Variants in LRRC8C observed in about 807,000 individuals in gnomAD.
LRRC8C encodes the protein leucine rich repeat containing 8 VRAC subunit C, also known as volume-regulated anion channel subunit LRRC8C.
Under a neutral mutation model 55.3 loss-of-function variants are expected in LRRC8C, and 20 were observed. The observed-to-expected ratio is 0.36, with a 90% CI of 0.25 to 0.53. LRRC8C has a LOEUF of 0.53. Among genes scored for constraint, LRRC8C ranks in the 20% least tolerant of loss-of-function variants. The pLI is 0.92. For synonymous variants in LRRC8C, 376 were observed against 360.7 expected, an observed-to-expected ratio of 1.04 and a Z score of -0.48; for missense variants, 659 against 951.4, an observed-to-expected ratio of 0.69 and a Z score of 4.04.
At chr1:89,678,466 C>G (rs917468650) in intron 1 of LRRC8C, among the ~76,000 whole-genome samples, 34 of 152,270 alleles carry the variant, frequency 2.2e-4, no homozygotes, top group Admixed American at 6.5e-4. Flanking sequence ...TTTGGGAGGC[C>G]AAGGCCGGTG....
chr1:89,625,359 G>A, the LRRC8C span, among the ~76,000 whole-genome samples: 1 of 152,130 alleles, frequency 6.6e-6, no homozygotes, highest in Admixed American at 6.5e-5. Flanking sequence ...CACAAAGTTG[G>A]TCAATGAAAG....
At chr1:89,674,425 G>A (rs1657501485) in intron 1 of LRRC8C, among the ~76,000 whole-genome samples, 2 of 152,176 alleles carry the variant, frequency 1.3e-5, no homozygotes, top group African/African-American at 2.4e-5. Flanking sequence ...CTCATAAAAT[G>A]TCTAACTTGG....
At position 89,685,142 on chromosome 1, in the gene LRRC8C, T is replaced by A. The variant is rs1657834491; in HGVS notation, c.-4-1328T>A. 4.1e-5 allele frequency among the ~76,000 whole-genome samples: 5 copies of A among 122,372 alleles called. No homozygotes were observed. In the South Asian group the frequency reaches 1.4e-3, roughly 35 times the overall value. The allele number at this position is 122,372 out of a possible 152,430, so 80.3% of individuals were successfully genotyped here. On this transcript the variant is annotated intron_variant, in intron 1 of 2. Transcript: ENST00000370454. ...TTTTTTTTTTGAGACGGAGTCTCAC[T>A]CTGTCGCCCAGCAGGCCGGACTGCG...
chr1:89,688,254 C>A (rs1296330777), intron 2 of LRRC8C, among the ~76,000 whole-genome samples: 2 of 152,168 alleles, frequency 1.3e-5, no homozygotes, highest in Non-Finnish European at 2.9e-5. Flanking sequence ...GGCATAAATT[C>A]ATTCATAAAT....
intron 1 of LRRC8C, among the ~76,000 whole-genome samples, chr1:89,662,151 A>C (rs1235841135): frequency 6.6e-6 from 1 of 151,966 alleles, no homozygotes; most frequent in Non-Finnish European, 1.5e-5. Flanking sequence ...TGATGAGCTA[A>C]AAGAAAAAAA....
At chr1:89,660,996 G>A (rs1253898926) in intron 1 of LRRC8C, among the ~76,000 whole-genome samples, 1 of 152,150 alleles carries the variant, frequency 6.6e-6, no homozygotes, top group East Asian at 1.9e-4. Flanking sequence ...GTAGCCTTTT[G>A]TATTCCTTTG....
intron 1 of LRRC8C, among the ~76,000 whole-genome samples, chr1:89,636,440 C>T (rs1656283798): frequency 6.6e-6 from 1 of 152,188 alleles, no homozygotes; most frequent in Non-Finnish European, 1.5e-5. Context: ...AACATGTACT[C>T]ATTCTATAGT....
the LRRC8C span, among the ~76,000 whole-genome samples, chr1:89,622,994 A>T: frequency 6.6e-6 from 1 of 152,208 alleles, no homozygotes. Flanking sequence ...AATATTCGAG[A>T]CACTTAAGAG....
Position 89,717,043 on chromosome 1 carries a change from A to G in LRRC8C, c.*2061A>G, listed in dbSNP as rs552072177. 1.3e-5 allele frequency: 2 copies of G among 152,318 alleles called. No individual in the cohort carries two copies. The highest frequency in any genetic ancestry group is 4.1e-4 in the South Asian group (2 of 4,830). 9.4% of individuals were successfully genotyped at this position (152,318 alleles called of 1,614,324 possible). A position where few individuals can be genotyped will look rare whatever the true frequency, so the allele number is the denominator to read the frequency against. On this transcript the variant is annotated 3_prime_UTR_variant, in exon 3 of 3. Coordinates refer to ENST00000370454, the MANE Select transcript of LRRC8C (RefSeq NM_032270.5). Reference sequence around the variant, plus strand: ...CTGGAATTGAAATAATGTGCTCAGAATAATAACATGGTTATAGTTCTTGTA... The same window carrying G: ...CTGGAATTGAAATAATGTGCTCAGAGTAATAACATGGTTATAGTTCTTGTA...
At chr1:89,625,358 G>A in the LRRC8C span, among the ~76,000 whole-genome samples, 1 of 152,056 alleles carries the variant, frequency 6.6e-6, no homozygotes, top group East Asian at 1.9e-4. Flanking sequence ...TCACAAAGTT[G>A]GTCAATGAAA....
intron 2 of LRRC8C, among the ~76,000 whole-genome samples, chr1:89,697,033 C>G (rs1315796819): frequency 6.6e-6 from 1 of 152,014 alleles, no homozygotes; most frequent in Admixed American, 6.6e-5. Context: ...ACTTGCCATC[C>G]AGCACACATA....
chr1:89,641,933 G>A (rs1247891357), intron 1 of LRRC8C, among the ~76,000 whole-genome samples: 2 of 152,168 alleles, frequency 1.3e-5, no homozygotes, highest in East Asian at 1.9e-4. Context: ...CCGTTTAAAC[G>A]ATCTTTTTAT....
At chr1:89,665,828 C>A (rs1570707832) in intron 1 of LRRC8C, among the ~76,000 whole-genome samples, 1 of 152,188 alleles carries the variant, frequency 6.6e-6, no homozygotes, top group East Asian at 1.9e-4. Context: ...AGAGCAACTT[C>A]CAGTCCTGCA....
At position 89,686,609 on chromosome 1, in the gene LRRC8C, C is replaced by G; in HGVS notation, c.136C>G (p.Gln46Glu). Residue 46 changes from glutamine to glutamate, a missense_variant and splice_region_variant, in exon 2 of 3, where the codon CAG (glutamine) becomes GAG (glutamate). By Grantham distance (29) the Gln-to-Glu change is conservative. Around this residue, in one of 5 missense-constraint regions of LRRC8C, gnomAD observed 82 missense variants for 71.4 expected, o/e 1.15. Coordinates refer to ENST00000370454, the MANE Select transcript of LRRC8C (RefSeq NM_032270.5). ...GATCGGCGTGTTTGGATGTACTTTACAGGTAGGTGCCTAGATCCCTGGCAA... is the reference window on the plus strand; with the variant it reads ...GATCGGCGTGTTTGGATGTACTTTAGAGGTAGGTGCCTAGATCCCTGGCAA... The part of the protein sequence containing the change: ...LMIGVFGCTL[Q>E]VMQDKIICLP... The G allele has an allele frequency of 1.2e-6, 2 of 1,613,966 alleles. No homozygotes were observed. The highest frequency in any genetic ancestry group is 1.7e-6 in the Non-Finnish European group (2 of 1,179,984).
chr1:89,714,484 G>A lies in LRRC8C; in HGVS notation c.1914G>A (p.Lys638=), dbSNP rs1263741027. 6.2e-7 allele frequency: 1 copy of A among 1,614,136 alleles called. No individual in the cohort carries two copies. Among genetic ancestry groups the A allele is most frequent in the African/African-American group, 1.3e-5 (1 of 75,028 alleles). The change falls in exon 3 of 3, where the codon AAG becomes AAA. Residue 638 remains lysine (K), a synonymous_variant. Transcript: ENST00000370454. The surrounding 1 kb of genome is among the most constrained non-coding windows in gnomAD (Gnocchi z 4.6). ...EEIVSFQHLR[K]LTVLKLWHNS... ...TCGTTAGCTTTCAGCACTTAAGAAA[G>A]TTGACAGTGCTAAAACTGTGGCATA...
At chr1:89,650,052 C>A (rs973273465) in intron 1 of LRRC8C, among the ~76,000 whole-genome samples, 29 of 152,134 alleles carry the variant, frequency 1.9e-4, no homozygotes, top group African/African-American at 7.0e-4. Context: ...AAATATAGAA[C>A]ACTGTAAGTA....
intron 1 of LRRC8C, among the ~76,000 whole-genome samples, chr1:89,665,157 C>T (rs144292490): frequency 7.0e-4 from 106 of 152,288 alleles, no homozygotes; most frequent in African/African-American, 2.0e-3. Flanking sequence ...CCAGAACTTC[C>T]GATACTACGT....
At chr1:89,709,510 G>C (rs1432874395) in intron 2 of LRRC8C, among the ~76,000 whole-genome samples, 3 of 152,194 alleles carry the variant, frequency 2.0e-5, no homozygotes, top group African/African-American at 7.2e-5. Context: ...CCCTGGTACA[G>C]TGCATAACCT....
intron 1 of LRRC8C, among the ~76,000 whole-genome samples, chr1:89,635,805 C>T (rs890774429): frequency 1.3e-5 from 2 of 152,204 alleles, no homozygotes; most frequent in Admixed American, 1.3e-4. Flanking sequence ...CAATTTACTC[C>T]TGCCCATCAG....
Sources: allele counts gnomAD v4.1 joint callset (sites outside exome capture counted in the v4.1 genomes callset), GRCh38; gene constraint gnomAD v4.1.1; regional missense constraint gnomAD v4.1.1; non-coding constraint Gnocchi (gnomAD v3.1); transcripts MANE v1.5; gene names NCBI Gene and HGNC (gene_info 2026-07-23, HGNC 2026-07-21).